Variants in CNIH3 observed in about 807,000 individuals in gnomAD.
The protein encoded by CNIH3 is cornichon family AMPA receptor auxiliary protein 3, also known as protein cornichon homolog 3.
CNIH3 carries 14 observed loss-of-function variants against 24.1 expected under a neutral mutation model. The ratio of observed to expected loss-of-function variants is 0.58; its 90% CI spans 0.38 to 0.91. The LOEUF (loss-of-function observed/expected upper bound fraction) is 0.91, where lower values mean the gene tolerates loss of function less well. CNIH3 is among the 40% of genes least tolerant of loss of function. CNIH3 has a pLI of 0.00. For missense variants in CNIH3, 178 were observed against 196.8 expected (o/e 0.90, Z 0.57); for synonymous variants, 68 against 73.8 (o/e 0.92, Z 0.40).
At chr1:224,590,361 G>A (rs1572537537), downstream of CNIH3, among the ~76,000 whole-genome samples, 1 of 152,150 alleles carries the variant, frequency 6.6e-6, no homozygotes, top group African/African-American at 2.4e-5. Flanking sequence ...TGTAACTGCT[G>A]TCCAGCTTAA....
At chr1:224,505,451 C>T (rs1365880211) in intron 1 of CNIH3, among the ~76,000 whole-genome samples, 2 of 152,112 alleles carry the variant, frequency 1.3e-5, no homozygotes, top group African/African-American at 4.8e-5. Flanking sequence ...ACAATGATGA[C>T]ATATTACTTT....
intron 3 of CNIH3, among the ~76,000 whole-genome samples, chr1:224,564,074 A>G (rs1572485172): frequency 6.6e-6 from 1 of 152,350 alleles, no homozygotes; most frequent in East Asian, 1.9e-4. Context: ...CTTATGTTTG[A>G]TTTGATAAGT....
At chr1:224,492,701 T>A (rs1049276435) in intron 1 of CNIH3, among the ~76,000 whole-genome samples, 1 of 152,202 alleles carries the variant, frequency 6.6e-6, no homozygotes, top group African/African-American at 2.4e-5. Flanking sequence ...TTTCTTGAAG[T>A]CATCTCTTTC....
chr1:224,699,311 G>A (rs530159651), intron 3 of CNIH3, among the ~76,000 whole-genome samples: 5 of 152,316 alleles, frequency 3.3e-5, no homozygotes, highest in African/African-American at 1.2e-4. Context: ...AACCTCAAGA[G>A]ACTGTTGAAA....
At chr1:224,532,022 G>A (rs1268050062) in intron 2 of CNIH3, among the ~76,000 whole-genome samples, 2 of 152,126 alleles carry the variant, frequency 1.3e-5, no homozygotes, top group Admixed American at 6.5e-5. Context: ...AAAGGTAGAC[G>A]GTGGGGTGGG....
intron 1 of CNIH3, among the ~76,000 whole-genome samples, chr1:224,645,836 C>G (rs1284285275): frequency 6.6e-6 from 1 of 152,148 alleles, no homozygotes; most frequent in East Asian, 1.9e-4. Context: ...CCATCTCGCT[C>G]CAAGGGAATT....
chr1:224,627,206 C>G (rs1271490779), intron 1 of CNIH3, among the ~76,000 whole-genome samples: 1 of 152,110 alleles, frequency 6.6e-6, no homozygotes, highest in Non-Finnish European at 1.5e-5. Flanking sequence ...GCTTATGAAC[C>G]CAGAAGCTTG....
intron 4 of CNIH3, among the ~76,000 whole-genome samples, chr1:224,579,645 T>C (rs917572275): frequency 5.9e-5 from 9 of 152,164 alleles, no homozygotes; most frequent in African/African-American, 2.2e-4. Context: ...GATGTTTGGG[T>C]CATGAGGGTG....
At chr1:224,533,387 CA>C (rs146941595) in intron 2 of CNIH3, among the ~76,000 whole-genome samples, 34,560 of 103,276 alleles carry the variant, frequency 0.33, 4,500 homozygotes, top group African/African-American at 0.46. Flanking sequence ...GAACCCGTCT[CA>C]AAAAAAAAAA....
At chr1:224,666,742 C>T (rs1228826637) in intron 1 of CNIH3, among the ~76,000 whole-genome samples, 1 of 152,164 alleles carries the variant, frequency 6.6e-6, no homozygotes, top group East Asian at 1.9e-4. Flanking sequence ...GTAGTTGATT[C>T]CACATTTGGT....
At chr1:224,543,171 C>T (rs755067724) in intron 2 of CNIH3, among the ~76,000 whole-genome samples, 3 of 152,048 alleles carry the variant, frequency 2.0e-5, no homozygotes, top group Non-Finnish European at 4.4e-5. Flanking sequence ...GCCTGGGTAA[C>T]GAAATTCTAA....
At chr1:224,734,926 C>G (rs1018142494) in intron 5 of CNIH3, among the ~76,000 whole-genome samples, 1 of 152,160 alleles carries the variant, frequency 6.6e-6, no homozygotes, top group African/African-American at 2.4e-5. Context: ...GCCTGCTGAT[C>G]GGCACATCCT....
chr1:224,637,219 C>T (rs1367577488), intron 1 of CNIH3, among the ~76,000 whole-genome samples: 2 of 152,160 alleles, frequency 1.3e-5, no homozygotes, highest in Non-Finnish European at 2.9e-5. Flanking sequence ...TCCCAAAGTG[C>T]TGGGATTACA....
At chr1:224,557,596 A>G (rs890249390) in intron 3 of CNIH3, among the ~76,000 whole-genome samples, 6 of 152,132 alleles carry the variant, frequency 3.9e-5, no homozygotes, top group Non-Finnish European at 4.4e-5. Context: ...CTCCGGGACT[A>G]CAGGCACGTG....
chr1:224,688,659 T>C (rs910651026), intron 3 of CNIH3, among the ~76,000 whole-genome samples: 12 of 152,132 alleles, frequency 7.9e-5, no homozygotes, highest in African/African-American at 2.9e-4. Flanking sequence ...CATTTACTCC[T>C]TATATAGGCC....
chr1:224,486,614 T>G (rs888718263), intron 1 of CNIH3, among the ~76,000 whole-genome samples: 2 of 152,238 alleles, frequency 1.3e-5, no homozygotes, highest in African/African-American at 4.8e-5. Flanking sequence ...GCTCTTTCTA[T>G]ATCAACTATG....
chr1:224,656,724 G>T (rs1685116173), intron 1 of CNIH3, among the ~76,000 whole-genome samples: 1 of 152,162 alleles, frequency 6.6e-6, no homozygotes, highest in Non-Finnish European at 1.5e-5. Context: ...GGGATTTCCA[G>T]GTCTTCAACC....
At position 224,654,445 on chromosome 1, in the gene CNIH3, T is replaced by A. The variant is rs1045698887; in HGVS notation, c.82-26513T>A. 2.0e-5 allele frequency among the ~76,000 whole-genome samples: 3 copies of A among 152,164 alleles called. No individual in the cohort carries two copies. In the East Asian group the frequency reaches 5.8e-4, roughly 29 times the overall value. On this transcript the variant is annotated intron_variant, in intron 1 of 5. Coordinates refer to ENST00000272133, the MANE Select transcript of CNIH3 (RefSeq NM_152495.2). Reference sequence around the variant, plus strand: ...AGCCCAGATGCATGCCTCCTTGCTGTAGAGTTGGGTTTTGTTTGTTTAATA... The same window carrying A: ...AGCCCAGATGCATGCCTCCTTGCTGAAGAGTTGGGTTTTGTTTGTTTAATA...
intron 3 of CNIH3, among the ~76,000 whole-genome samples, chr1:224,698,564 C>A (rs1687302992): frequency 6.6e-6 from 1 of 152,244 alleles, no homozygotes; most frequent in African/African-American, 2.4e-5. Flanking sequence ...TCTGCATGAG[C>A]TAGACTTTAA....
Sources: allele counts gnomAD v4.1 joint callset (sites outside exome capture counted in the v4.1 genomes callset), GRCh38; gene constraint gnomAD v4.1.1; transcripts MANE v1.5; gene names NCBI Gene and HGNC (gene_info 2026-07-23, HGNC 2026-07-21).